Variants in CPN2 observed in about 807,000 individuals in gnomAD.
CPN2 encodes the protein carboxypeptidase N 83 kDa chain.
For synonymous variants in CPN2, 336 were observed against 318.4 expected, an observed-to-expected ratio of 1.06 and a Z score of -0.59; for missense variants, 620 against 671.4, an observed-to-expected ratio of 0.92 and a Z score of 0.85.
Position 194,341,671 on chromosome 3 carries a change from C to G in CPN2, c.1032G>C (p.Leu344=), listed in dbSNP as rs1712830302. The G allele has an allele frequency of 1.2e-6, 2 of 1,614,142 alleles. No individual in the cohort carries two copies. Among genetic ancestry groups the G allele is most frequent in the Non-Finnish European group, 1.7e-6 (2 of 1,180,044 alleles). ...RDLEELVKLY[L]GSNNLTALHP... is the part of the protein sequence containing the mutation. ...GCAGCGCCGTAAGGTTGTTGCTGCC[C>G]AGGTAGAGTTTGACCAACTCCTCCA... The change falls in exon 2 of 2, where the codon CTG becomes CTC. Residue 344 remains leucine (L), a synonymous_variant. Coordinates refer to ENST00000323830, the MANE Select transcript of CPN2 (RefSeq NM_001080513.4).
Position 194,340,882 on chromosome 3 carries a change from G to T in CPN2, c.*183C>A. 2 of 918,074 alleles carry T rather than the reference G, an allele frequency of 2.2e-6. No individual in the cohort carries two copies. Among genetic ancestry groups the T allele is most frequent in the Non-Finnish European group, 3.1e-6 (2 of 635,498 alleles). 56.9% of individuals were successfully genotyped at this position (918,074 alleles called of 1,614,324 possible). A position where few individuals can be genotyped will look rare whatever the true frequency, so the allele number is the denominator to read the frequency against. ...GCACACTCCAGGAGAAGCGATGAAGGAAGAGGAGGAGGAGACCCTGGTTAG... is the reference window on the plus strand; with the variant it reads ...GCACACTCCAGGAGAAGCGATGAAGTAAGAGGAGGAGGAGACCCTGGTTAG... On this transcript the variant is annotated 3_prime_UTR_variant, in exon 2 of 2. Coordinates refer to ENST00000323830, the MANE Select transcript of CPN2 (RefSeq NM_001080513.4).
intron 1 of CPN2, among the ~76,000 whole-genome samples, chr3:194,350,333 G>T (rs9832154): frequency 0.12 from 18,848 of 152,116 alleles, 1,375 homozygotes; most frequent in African/African-American, 0.18. Flanking sequence ...CAGTGACTTC[G>T]CATCTCAGGC....
chr3:194,342,595 T>C lies in CPN2; in HGVS notation c.108A>G (p.Ser36=), dbSNP rs756909009. ...CDCFVQEVFC[S]DEELATVPLD... is the part of the protein sequence containing the mutation. ...GTGGGACGGTGGCAAGCTCCTCATCTGAGCAGAACACCTCCTGGACGAAGC... is the reference window on the plus strand; with the variant it reads ...GTGGGACGGTGGCAAGCTCCTCATCCGAGCAGAACACCTCCTGGACGAAGC... The change falls in exon 2 of 2, where the codon TCA becomes TCG. Residue 36 remains serine, a synonymous_variant. Coordinates refer to ENST00000323830, the MANE Select transcript of CPN2 (RefSeq NM_001080513.4). 3 of 1,614,140 alleles carry C rather than the reference T, an allele frequency of 1.9e-6. No homozygotes were observed. In the South Asian group the frequency reaches 3.3e-5, roughly 18 times the overall value.
At chr3:194,347,248 T>C (rs1302420735) in intron 1 of CPN2, among the ~76,000 whole-genome samples, 1 of 151,702 alleles carries the variant, frequency 6.6e-6, no homozygotes, top group Non-Finnish European at 1.5e-5. Flanking sequence ...GCAAATGAGC[T>C]CCTTCCTCTC....
chr3:194,346,855 C>T (rs1030928279), intron 1 of CPN2, among the ~76,000 whole-genome samples: 1 of 152,202 alleles, frequency 6.6e-6, no homozygotes, highest in South Asian at 2.1e-4. Flanking sequence ...CATCCAACCA[C>T]CCCACTGTGA....
chr3:194,349,556 A>T (rs1031015089), intron 1 of CPN2, among the ~76,000 whole-genome samples: 1 of 152,136 alleles, frequency 6.6e-6, no homozygotes, highest in African/African-American at 2.4e-5. Context: ...CCACACACAC[A>T]GTAGGGGCTT....
chr3:194,341,005 C>A lies in CPN2; in HGVS notation c.*60G>T. The stretch of plus-strand genomic sequence containing the variant: ...TCGGAGACTCAGCTCCCCTCCGCCC[C>A]TACCTGTCGCCTGGTCAGGCCCCAG... On this transcript the variant is annotated 3_prime_UTR_variant, in exon 2 of 2. Coordinates refer to ENST00000323830, the MANE Select transcript of CPN2 (RefSeq NM_001080513.4). 1 of 1,508,528 alleles carries A rather than the reference C, an allele frequency of 6.6e-7. No individual in the cohort carries two copies. The highest frequency in any genetic ancestry group is 2.1e-5 in the Admixed American group (1 of 47,224). The allele number at this position is 1,508,528 out of a possible 1,614,324, so 93.4% of individuals were successfully genotyped here.
chr3:194,347,177 G>A (rs1276486268), intron 1 of CPN2, among the ~76,000 whole-genome samples: 1 of 151,460 alleles, frequency 6.6e-6, no homozygotes, highest in Non-Finnish European at 1.5e-5. Flanking sequence ...GCAAGCCAAG[G>A]AAGTCTGGCT....
chr3:194,341,989 G>A lies in CPN2; in HGVS notation c.714C>T (p.Ser238=), dbSNP rs769935249. 2 of 1,614,196 alleles carry A rather than the reference G, an allele frequency of 1.2e-6. No individual in the cohort carries two copies. The highest frequency in any genetic ancestry group is 1.6e-4 in the Middle Eastern group (1 of 6,062). Residue 238 remains serine (S), a synonymous_variant, in exon 2 of 2, where the codon TCC becomes TCT. Transcript: ENST00000323830. ...ACAGCCTCTCTAGGCAGAAGAGCTGGGAGAACACCTGAGGGGGCAGCTCCG... is the reference window on the plus strand; with the variant it reads ...ACAGCCTCTCTAGGCAGAAGAGCTGAGAGAACACCTGAGGGGGCAGCTCCG... ...NISELPPQVF[S]QLFCLERLWL...
rs751168901 is a variant in CPN2, at chr3:194,341,941, C to T, written c.762G>A (p.Thr254=). The T allele has an allele frequency of 5.6e-6, 9 of 1,613,626 alleles. No individual in the cohort carries two copies. Among genetic ancestry groups the T allele is most frequent in the South Asian group, 3.3e-5 (3 of 91,084 alleles). ...ERLWLQRNAI[T]HLPLSIFASL... ...AGGCAAAGATGGAGAGCGGCAGGTG[C>T]GTGATGGCGTTGCGTTGCAGCCACA... is the stretch of plus-strand genomic sequence containing the variant. The change falls in exon 2 of 2, where the codon ACG becomes ACA. Residue 254 remains threonine, a synonymous_variant. Coordinates refer to ENST00000323830, the MANE Select transcript of CPN2 (RefSeq NM_001080513.4).
chr3:194,346,077 A>C (rs1213325382), intron 1 of CPN2, among the ~76,000 whole-genome samples: 1 of 152,208 alleles, frequency 6.6e-6, no homozygotes, highest in Non-Finnish European at 1.5e-5. Flanking sequence ...CCCACCTGCC[A>C]GTTCCCAAAG....
At chr3:194,344,938 C>T (rs1185132009) in intron 1 of CPN2, among the ~76,000 whole-genome samples, 1 of 152,114 alleles carries the variant, frequency 6.6e-6, no homozygotes, top group Non-Finnish European at 1.5e-5. Flanking sequence ...CCCCAACACA[C>T]ACCACACACA....
At chr3:194,344,409 T>G (rs1056524694) in intron 1 of CPN2, among the ~76,000 whole-genome samples, 51 of 152,324 alleles carry the variant, frequency 3.3e-4, no homozygotes, top group African/African-American at 1.2e-3. Context: ...AGAATCTGAC[T>G]CCTGCGGCCA....
rs1712845289 is a variant in CPN2 at position 194,341,884 on chromosome 3, CT to C, written c.818del (p.Gln273ArgfsTer24). 6.2e-7 allele frequency: 1 copy of C among 1,614,090 alleles called. No homozygotes were observed. Among genetic ancestry groups the C allele is most frequent in the African/African-American group, 1.3e-5 (1 of 74,926 alleles). On this transcript the variant is annotated frameshift_variant, in exon 2 of 2. Transcript: ENST00000323830. LOFTEE classifies it low-confidence loss of function (END_TRUNC). ...SLGNLTFLSL[Q>X]WNMLRVLPAG... ...CAGGCAGGACCCGAAGCATGTTCCA[CT>C]GCAAGCTCAGAAAGGTCAGATTACC... is the stretch of plus-strand genomic sequence containing the variant.
intron 1 of CPN2, among the ~76,000 whole-genome samples, chr3:194,346,046 G>A (rs776477951): frequency 1.3e-5 from 2 of 152,198 alleles, no homozygotes; most frequent in African/African-American, 2.4e-5. Flanking sequence ...CTGATGTGGG[G>A]GTTTGGCTGA....
intron 1 of CPN2, among the ~76,000 whole-genome samples, chr3:194,344,144 G>A (rs1197006594): frequency 6.6e-6 from 1 of 152,114 alleles, no homozygotes; most frequent in African/African-American, 2.4e-5. Context: ...TTCCGCTTCT[G>A]GCTGAAGGTC....
Position 194,340,742 on chromosome 3 carries a change from A to ATC in CPN2, c.*322_*323insGA. On this transcript the variant is annotated 3_prime_UTR_variant, in exon 2 of 2. Transcript: ENST00000323830. Reference sequence around the variant, plus strand: ...GAATAGACCTCAGGGTGTAGGTGAGAGCGGTTGGGTGTTACATAATGGGGA... The same window carrying ATC: ...GAATAGACCTCAGGGTGTAGGTGAGATCGCGGTTGGGTGTTACATAATGGGGA... 6.8e-6 allele frequency: 2 copies of ATC among 295,642 alleles called. No homozygotes were observed. Among genetic ancestry groups the ATC allele is most frequent in the South Asian group, 9.1e-5 (1 of 11,014 alleles). 18.3% of individuals were successfully genotyped at this position (295,642 alleles called of 1,614,324 possible). A position where few individuals can be genotyped will look rare whatever the true frequency, so the allele number is the denominator to read the frequency against.
Position 194,341,829 on chromosome 3 carries a change from C to A in CPN2, c.874G>T (p.Val292Phe). 2 of 1,613,918 alleles carry A rather than the reference C, an allele frequency of 1.2e-6. No homozygotes were observed. Among genetic ancestry groups the A allele is most frequent in the Non-Finnish European group, 1.7e-6 (2 of 1,179,834 alleles). The change falls in exon 2 of 2, where the codon GTT (valine) becomes TTT (phenylalanine). Residue 292 changes from valine to phenylalanine, a missense_variant. Transcript: ENST00000323830. ...TGGTTATGGGTCAGAGACAGGCCAA[C>A]CAGGCACGGGGTGTGGGCAAAGAGG... ...AGLFAHTPCL[V>F]GLSLTHNQLE... is the part of the protein sequence containing the mutation.
chr3:194,343,045 C>A (rs994523617), intron 1 of CPN2, among the ~76,000 whole-genome samples: 3 of 152,204 alleles, frequency 2.0e-5, no homozygotes, highest in Non-Finnish European at 4.4e-5. Flanking sequence ...TCTCAGCACA[C>A]GTCAGAGCCA....
Sources: gnomAD v4.1 joint callset for allele counts (sites outside exome capture counted in the v4.1 genomes callset) on GRCh38, gnomAD v4.1.1 for gene constraint, MANE v1.5 for transcripts, NCBI Gene and HGNC (gene_info 2026-07-23, HGNC 2026-07-21) for gene names.